Variants in GNAO1 observed in about 807,000 individuals in gnomAD.
GNAO1 encodes the protein guanine nucleotide-binding protein G(o) subunit alpha.
For synonymous variants in GNAO1, 164 were observed against 180.7 expected, an observed-to-expected ratio of 0.91 and a Z score of 0.74; for missense variants, 166 against 478.7, an observed-to-expected ratio of 0.35 and a Z score of 6.10.
intron 6 of GNAO1, among the ~76,000 whole-genome samples, chr16:56,348,987 G>A (rs151230471): frequency 6.6e-5 from 10 of 152,342 alleles, no homozygotes; most frequent in Non-Finnish European, 1.0e-4. Flanking sequence ...GGAGCCTGAT[G>A]TGGTCATTCT....
At chr16:56,242,608 G>T (rs919379073) in intron 2 of GNAO1, among the ~76,000 whole-genome samples, 2 of 152,194 alleles carry the variant, frequency 1.3e-5, no homozygotes, top group African/African-American at 4.8e-5. Flanking sequence ...GGGACAACTG[G>T]ATAGCCACAG....
rs367545187 is a variant in GNAO1, at chr16:56,334,863, G to T, written c.593+6G>T. On this transcript the variant is annotated splice_donor_region_variant and intron_variant, in intron 5 of 8. Coordinates refer to ENST00000262493, the MANE Select transcript of GNAO1 (RefSeq NM_020988.3). ...TTCAAGAACCTCCACTTCAGGTGAG[G>T]CCCAGAGAGGCCCCCAGGCCCTGGC... The T allele has an allele frequency of 6.2e-7, 1 of 1,613,696 alleles. No homozygotes were observed. The highest frequency in any genetic ancestry group is 8.5e-7 in the Non-Finnish European group (1 of 1,179,954).
chr16:56,339,173 G>A (rs774960343), intron 6 of GNAO1, among the ~76,000 whole-genome samples: 1 of 152,236 alleles, frequency 6.6e-6, no homozygotes, highest in Non-Finnish European at 1.5e-5. Flanking sequence ...AGTCATCGCC[G>A]TGCGCTGGGG....
chr16:56,286,695 CTG>C (rs57968280), intron 3 of GNAO1, among the ~76,000 whole-genome samples: 46,644 of 144,630 alleles, frequency 0.32, 7,646 homozygotes, highest in Middle Eastern at 0.4. Flanking sequence ...TCTGTCGCCT[CTG>C]TGTGTGTGTG....
At chr16:56,211,359 A>G (rs1381780296) in intron 2 of GNAO1, among the ~76,000 whole-genome samples, 2 of 152,190 alleles carry the variant, frequency 1.3e-5, no homozygotes, top group African/African-American at 4.8e-5. Flanking sequence ...TCAAGCATAC[A>G]CCAGACTACA....
chr16:56,280,355 T>A (rs2037102769), intron 3 of GNAO1, among the ~76,000 whole-genome samples: 1 of 152,058 alleles, frequency 6.6e-6, no homozygotes, highest in Non-Finnish European at 1.5e-5. Context: ...GAGAGTTAAT[T>A]GGCAGAGGAG....
At chr16:56,239,783 A>T (rs1159991611) in intron 2 of GNAO1, among the ~76,000 whole-genome samples, 3 of 152,244 alleles carry the variant, frequency 2.0e-5, no homozygotes, top group Admixed American at 6.5e-5. Flanking sequence ...CTGGAGCCTC[A>T]GCTATGGTTG....
In GNAO1 at chr16:56,214,025, G is replaced by A. The variant is rs1197745011; in HGVS notation, c.161+21409G>A. Among the ~76,000 whole-genome samples the A allele has an allele frequency of 1.1e-3, 162 of 152,270 alleles. 1 individual carries two copies. Among genetic ancestry groups the A allele is most frequent in the Non-Finnish European group, 3.4e-4 (23 of 68,028 alleles). ...GGTGGTGTCCTGTGGATGTGTGTGTGTATCCTGACAAAGGAGGGACATGGA... is the reference window on the plus strand; with the variant it reads ...GGTGGTGTCCTGTGGATGTGTGTGTATATCCTGACAAAGGAGGGACATGGA... On this transcript the variant is annotated intron_variant, in intron 2 of 8. Transcript: ENST00000262493.
At chr16:56,254,263 AT>A (rs1456362121) in intron 2 of GNAO1, among the ~76,000 whole-genome samples, 3 of 152,070 alleles carry the variant, frequency 2.0e-5, no homozygotes, top group Admixed American at 2.0e-4. Context: ...CTATATGTCT[AT>A]TTTTGAAATA....
chr16:56,282,747 T>A (rs1433388730), intron 3 of GNAO1, among the ~76,000 whole-genome samples: 1 of 152,144 alleles, frequency 6.6e-6, no homozygotes, highest in East Asian at 1.9e-4. Context: ...TACATGGAGG[T>A]TATACATTGG....
chr16:56,344,510 G>T, intron 6 of GNAO1: 1 of 989,366 alleles, frequency 1.0e-6, no homozygotes, highest in Non-Finnish European at 1.2e-6. Flanking sequence ...TCCCTCCCCT[G>T]GGTCTCAGCC....
At chr16:56,316,950 C>G (rs1446857884) in intron 3 of GNAO1, among the ~76,000 whole-genome samples, 3 of 152,204 alleles carry the variant, frequency 2.0e-5, no homozygotes, top group Non-Finnish European at 2.9e-5. Flanking sequence ...TGTGCGGGAA[C>G]CAGTGACAGG....
At chr16:56,257,500 AC>A (rs1192591776) in intron 2 of GNAO1, among the ~76,000 whole-genome samples, 1 of 152,136 alleles carries the variant, frequency 6.6e-6, no homozygotes, top group Non-Finnish European at 1.5e-5. Flanking sequence ...ACCGTGGCCA[AC>A]CTTCCAGCTG....
At chr16:56,280,357 G>A (rs1173582322) in intron 3 of GNAO1, among the ~76,000 whole-genome samples, 2 of 152,224 alleles carry the variant, frequency 1.3e-5, no homozygotes, top group African/African-American at 4.8e-5. Context: ...GAGTTAATTG[G>A]CAGAGGAGGC....
intron 2 of GNAO1, among the ~76,000 whole-genome samples, chr16:56,239,661 TTTA>T (rs1459640075): frequency 1.3e-5 from 2 of 152,228 alleles, no homozygotes; most frequent in Admixed American, 1.3e-4. Context: ...TCATTTAATG[TTTA>T]TTATTCTGAG....
intron 2 of GNAO1, among the ~76,000 whole-genome samples, chr16:56,196,951 C>T (rs1296303885): frequency 6.6e-6 from 1 of 152,184 alleles, no homozygotes; most frequent in Non-Finnish European, 1.5e-5. Flanking sequence ...CACCTGTCAC[C>T]AAAAAGCTGA....
At chr16:56,196,663 GTC>G (rs1376286917) in intron 2 of GNAO1, among the ~76,000 whole-genome samples, 1 of 152,330 alleles carries the variant, frequency 6.6e-6, no homozygotes, top group African/African-American at 2.4e-5. Flanking sequence ...CAGGCTATCT[GTC>G]TCTGGAGCAT....
intron 2 of GNAO1, among the ~76,000 whole-genome samples, chr16:56,262,541 G>A (rs2036913252): frequency 6.6e-6 from 1 of 152,086 alleles, no homozygotes; most frequent in Non-Finnish European, 1.5e-5. Context: ...CAGGAAGGCA[G>A]GAAGTTTTTT....
chr16:56,350,585 T>C (rs1393802376), intron 6 of GNAO1, among the ~76,000 whole-genome samples: 1 of 152,140 alleles, frequency 6.6e-6, no homozygotes, highest in African/African-American at 2.4e-5. Flanking sequence ...AGGGCAGCCC[T>C]CCACATCTGC....
Sources: allele counts gnomAD v4.1 joint callset (sites outside exome capture counted in the v4.1 genomes callset), GRCh38; gene constraint gnomAD v4.1.1; transcripts MANE v1.5; gene names NCBI Gene and HGNC (gene_info 2026-07-23, HGNC 2026-07-21).